The following RBM44 variants were observed in gnomAD, a reference collection of about 807,000 sequenced individuals.
RBM44 encodes the protein RNA-binding protein 44.
Under a neutral mutation model 105.1 loss-of-function variants are expected in RBM44, and 66 were observed. That is an observed-to-expected ratio of 0.63 (90% CI 0.52 to 0.77). The LOEUF (loss-of-function observed/expected upper bound fraction) is 0.77, where lower values mean the gene tolerates loss of function less well. Ranked by LOEUF, RBM44 falls within the 30% of genes least tolerant of loss-of-function variation. RBM44 has a pLI of 0.00. For missense variants in RBM44, 1,122 were observed against 1,207.8 expected, an observed-to-expected ratio of 0.93 and a Z score of 1.05; for synonymous variants, 365 against 417.6, an observed-to-expected ratio of 0.87 and a Z score of 1.54.
intron 10 of RBM44, among the ~76,000 whole-genome samples, chr2:237,825,564 G>T (rs1047525988): frequency 6.6e-6 from 1 of 152,114 alleles, no homozygotes; most frequent in Non-Finnish European, 1.5e-5. Context: ...TTCATGTCAC[G>T]TATCACAATA....
intron 1 of RBM44, among the ~76,000 whole-genome samples, chr2:237,801,578 C>T (rs1468775008): frequency 6.6e-6 from 1 of 152,136 alleles, no homozygotes; most frequent in Non-Finnish European, 1.5e-5. Context: ...CCACCTGCCT[C>T]GGCCTCCTAA....
intron 13 of RBM44, among the ~76,000 whole-genome samples, chr2:237,830,323 T>G (rs2061890911): frequency 6.6e-6 from 1 of 152,202 alleles, no homozygotes; most frequent in African/African-American, 2.4e-5. Context: ...ATTATTGAAT[T>G]TTGATTTTTT....
At position 237,817,060 on chromosome 2, in the gene RBM44, G is replaced by T; in HGVS notation, c.141G>T (p.Leu47Phe). 1.3e-6 allele frequency: 2 copies of T among 1,597,218 alleles called. No homozygotes were observed. The highest frequency in any genetic ancestry group is 1.1e-5 in the South Asian group (1 of 89,142). The change falls in exon 3 of 16, where the codon TTG (leucine) becomes TTT (phenylalanine). Residue 47 changes from leucine (L) to phenylalanine (F), a missense_variant. Coordinates refer to ENST00000316997, the MANE Select transcript of RBM44 (RefSeq NM_001080504.3). Reference sequence around the variant, plus strand: ...CCAATGGTTGTGATGAAGTCAAATTGACTTTTCCTGATGATGACTGGAATT... The same window carrying T: ...CCAATGGTTGTGATGAAGTCAAATTTACTTTTCCTGATGATGACTGGAATT... ...LSSNGCDEVK[L>F]TFPDDDWNSS...
chr2:237,829,351 C>T lies in RBM44; in HGVS notation c.2735C>T (p.Ser912Phe), dbSNP rs933526930. 1.2e-6 allele frequency: 2 copies of T among 1,613,604 alleles called. No individual in the cohort carries two copies. The highest frequency in any genetic ancestry group is 2.2e-5 in the South Asian group (2 of 91,070). ...CTTGGAGAATATACATCACCACTTT[C>T]CTCCAAAAATGGGAATAGAATTAGT... Reference protein sequence around the residue: ...KILGEYTSPLSSKNGNRISSN... With the variant: ...KILGEYTSPLFSKNGNRISSN... Residue 912 changes from serine to phenylalanine, a missense_variant, in exon 13 of 16, where the codon TCC (serine) becomes TTC (phenylalanine). Physicochemically the swap from Ser to Phe is radical, Grantham distance 155. Transcript: ENST00000316997.
chr2:237,813,682 G>C lies in RBM44; in HGVS notation c.73G>C (p.Asp25His), dbSNP rs1218668321. 2 of 1,598,062 alleles carry C rather than the reference G, an allele frequency of 1.3e-6. No homozygotes were observed. The highest frequency in any genetic ancestry group is 1.7e-6 in the Non-Finnish European group (2 of 1,165,702). ...CAGTAATGGAGGCAACCTCCAAAAAGGTAAGGGTCTAGTCCACTTACCCTT... is the reference window on the plus strand; with the variant it reads ...CAGTAATGGAGGCAACCTCCAAAAACGTAAGGGTCTAGTCCACTTACCCTT... Reference protein sequence around the residue: ...YHSNGGNLQKDKPSNPKKENL... With the variant: ...YHSNGGNLQKHKPSNPKKENL... Residue 25 changes from aspartate to histidine, a missense_variant and splice_region_variant, in exon 2 of 16, where the codon GAT (aspartate) becomes CAT (histidine). Asp to His is a moderately conservative substitution (Grantham distance 81). This residue lies in a region of RBM44 where 918 missense variants were observed against 955.3 expected (regional missense o/e 0.96). Transcript: ENST00000316997.
chr2:237,812,672 A>G (rs4663791), intron 1 of RBM44, among the ~76,000 whole-genome samples: 26,622 of 152,136 alleles, frequency 0.17, 2,588 homozygotes, highest in East Asian at 0.4. Flanking sequence ...TGATTAACAG[A>G]ATTCTGCTGT....
intron 1 of RBM44, among the ~76,000 whole-genome samples, chr2:237,805,754 C>G (rs2061593195): frequency 6.6e-6 from 1 of 152,132 alleles, no homozygotes; most frequent in Non-Finnish European, 1.5e-5. Context: ...TGCTTGGGCC[C>G]AGGAGTTTGA....
At chr2:237,820,892 T>G in intron 5 of RBM44, 179 bp from the exon 6 acceptor site, 1 of 501,700 alleles carries the variant, frequency 2.0e-6, no homozygotes. Flanking sequence ...CTACAATACA[T>G]TTTTTTACAA....
At chr2:237,815,915 A>G (rs978865527) in intron 2 of RBM44, among the ~76,000 whole-genome samples, 1 of 152,066 alleles carries the variant, frequency 6.6e-6, no homozygotes, top group Non-Finnish European at 1.5e-5. Flanking sequence ...ACTACAACTC[A>G]ATTCCAGTCA....
At chr2:237,804,417 T>C (rs1272800841) in intron 1 of RBM44, among the ~76,000 whole-genome samples, 2 of 152,236 alleles carry the variant, frequency 1.3e-5, no homozygotes, top group African/African-American at 4.8e-5. Context: ...CCACCAACAG[T>C]TCCCCTTTCT....
chr2:237,829,573 A>G (rs2061883716), intron 13 of RBM44, 71 bp downstream of exon 13: 1 of 1,277,920 alleles, frequency 7.8e-7, no homozygotes, highest in African/African-American at 1.5e-5. Context: ...TTGTAGAATA[A>G]ATAACTTCAA....
At chr2:237,834,452 A>G in intron 15 of RBM44, 29 bp downstream of exon 15, 1 of 1,149,644 alleles carries the variant, frequency 8.7e-7, no homozygotes. Context: ...TTTGTATTTG[A>G]ATATTACTTA....
rs759055217 is a variant in RBM44 at position 237,827,481 on chromosome 2, A to G, written c.2578A>G (p.Ile860Val). Residue 860 changes from isoleucine to valine, a missense_variant, in exon 12 of 16, where the codon ATT becomes GTT. Ile to Val is a conservative substitution (Grantham distance 29, BLOSUM62 3). Around this residue, in one of 3 missense-constraint regions of RBM44, gnomAD observed 194 missense variants for 225.5 expected, o/e 0.86. Coordinates refer to ENST00000316997, the MANE Select transcript of RBM44 (RefSeq NM_001080504.3). ...FQKYQVSEIS[I>V]YDSTNYRYAS... ...AAAATACCAAGTTTCTGAAATTTCAATTTATGATTCTACTAATTACAGGTG... is the reference window on the plus strand; with the variant it reads ...AAAATACCAAGTTTCTGAAATTTCAGTTTATGATTCTACTAATTACAGGTG... 1.7e-5 allele frequency: 26 copies of G among 1,514,958 alleles called. No homozygotes were observed. The highest frequency in any genetic ancestry group is 1.2e-4 in the Admixed American group (6 of 50,738). The allele number at this position is 1,514,958 out of a possible 1,614,324, so 93.8% of individuals were successfully genotyped here. A position where few individuals can be genotyped will look rare whatever the true frequency, so the allele number is the denominator to read the frequency against.
At position 237,818,059 on chromosome 2, in the gene RBM44, C is replaced by T. The variant is rs192954260; in HGVS notation, c.1140C>T (p.Ser380=). ...LLQPCKDCQT[S]WTSVFDDSII... ...AACCCTGTAAAGATTGTCAAACTTCCTGGACCTCTGTTTTTGATGATTCGA... is the reference window on the plus strand; with the variant it reads ...AACCCTGTAAAGATTGTCAAACTTCTTGGACCTCTGTTTTTGATGATTCGA... The change falls in exon 3 of 16, where the codon TCC becomes TCT. Residue 380 remains serine (S), a synonymous_variant. Coordinates refer to ENST00000316997, the MANE Select transcript of RBM44 (RefSeq NM_001080504.3). The surrounding 1 kb of genome is among the most constrained non-coding windows in gnomAD (Gnocchi z 4.6). 1.5e-3 allele frequency: 2,367 copies of T among 1,612,886 alleles called. 5 individuals carry two copies. The highest frequency in any genetic ancestry group is 5.0e-3 in the Middle Eastern group (30 of 6,052).
intron 1 of RBM44, among the ~76,000 whole-genome samples, chr2:237,812,648 A>G (rs1202231512): frequency 6.6e-6 from 1 of 152,142 alleles, no homozygotes; most frequent in Non-Finnish European, 1.5e-5. Flanking sequence ...TTCATCAGGA[A>G]CCTTTGTAAC....
Position 237,818,953 on chromosome 2 carries a change from C to A in RBM44, c.1730C>A (p.Pro577His). Reference sequence around the variant, plus strand: ...GGTATCACAGACCTAAAGAAACATCCTGAGAGGTACATCATTTATATATGC... The same window carrying A: ...GGTATCACAGACCTAAAGAAACATCATGAGAGGTACATCATTTATATATGC... ...ACGITDLKKH[P>H]EREFQLFKDT... Residue 577 changes from proline (P) to histidine (H), a missense_variant, in exon 4 of 16, where the codon CCT (proline) becomes CAT (histidine). Coordinates refer to ENST00000316997, the MANE Select transcript of RBM44 (RefSeq NM_001080504.3). The surrounding 1 kb of genome is among the most constrained non-coding windows in gnomAD (Gnocchi z 4.6). The A allele has an allele frequency of 6.9e-7, 1 of 1,451,368 alleles. No homozygotes were observed. Among genetic ancestry groups the A allele is most frequent in the Non-Finnish European group, 9.4e-7 (1 of 1,064,546 alleles). The allele number at this position is 1,451,368 out of a possible 1,614,324, so 89.9% of individuals were successfully genotyped here.
At chr2:237,831,533 T>C (rs1393426992) in intron 13 of RBM44, among the ~76,000 whole-genome samples, 3 of 152,146 alleles carry the variant, frequency 2.0e-5, no homozygotes, top group Non-Finnish European at 4.4e-5. Context: ...TCTGCTCACC[T>C]CGGCCTCCCA....
At chr2:237,833,514 A>G (rs894073423) in intron 13 of RBM44, among the ~76,000 whole-genome samples, 2 of 152,224 alleles carry the variant, frequency 1.3e-5, no homozygotes, top group African/African-American at 4.8e-5. Flanking sequence ...TTCATTACAT[A>G]CAGCATATAG....
chr2:237,819,631 A>T (rs1386697606), intron 4 of RBM44, among the ~76,000 whole-genome samples: 1 of 152,056 alleles, frequency 6.6e-6, no homozygotes, highest in African/African-American at 2.4e-5. Context: ...AAAAACTACT[A>T]ATACTCAAAA....
Sources: gnomAD v4.1 joint callset for allele counts (sites outside exome capture counted in the v4.1 genomes callset) on GRCh38, gnomAD v4.1.1 for gene constraint, gnomAD v4.1.1 regional missense constraint, Gnocchi (gnomAD v3.1) non-coding constraint, MANE v1.5 for transcripts, NCBI Gene and HGNC (gene_info 2026-07-23, HGNC 2026-07-21) for gene names.